Variants in CTNNA3 observed in about 807,000 individuals in gnomAD.
The protein encoded by CTNNA3 is catenin alpha 3.
In CTNNA3, 76 loss-of-function variants were observed where a neutral mutation model predicts 95.7. That is an observed-to-expected ratio of 0.79 (90% confidence interval 0.66 to 0.96). The LOEUF (loss-of-function observed/expected upper bound fraction) is 0.96, where lower values mean the gene tolerates loss of function less well. CTNNA3 is among the 40% of genes least tolerant of loss of function. The pLI, the probability that CTNNA3 is intolerant of heterozygous loss-of-function variation, is 0.00. For missense variants in CTNNA3, 1,191 were observed against 1,089.8 expected (o/e 1.09, Z -1.31); for synonymous variants, 431 against 374.4 (o/e 1.15, Z -1.74).
intron 7 of CTNNA3, among the ~76,000 whole-genome samples, chr10:67,086,711 G>A (rs1031662542): frequency 6.6e-6 from 1 of 151,918 alleles, no homozygotes; most frequent in Non-Finnish European, 1.5e-5. Flanking sequence ...ATCATATATA[G>A]AGCCTCTCTG....
At chr10:67,440,017 G>A (rs1476342667) in intron 5 of CTNNA3, among the ~76,000 whole-genome samples, 1 of 152,100 alleles carries the variant, frequency 6.6e-6, no homozygotes, top group Non-Finnish European at 1.5e-5. Context: ...GTGAGGTAGA[G>A]TATCAAGCTG....
At chr10:66,991,415 A>G (rs1440410007) in intron 7 of CTNNA3, among the ~76,000 whole-genome samples, 1 of 152,210 alleles carries the variant, frequency 6.6e-6, no homozygotes, top group Non-Finnish European at 1.5e-5. Context: ...TTATATCAAC[A>G]CTAAATCACA....
At chr10:66,794,715 G>A (rs1187397167) in intron 7 of CTNNA3, among the ~76,000 whole-genome samples, 1 of 152,082 alleles carries the variant, frequency 6.6e-6, no homozygotes, top group East Asian at 1.9e-4. Flanking sequence ...GTTCCCTGTA[G>A]ATATTTGAGA....
At chr10:67,225,222 C>T (rs1864847483) in intron 5 of CTNNA3, among the ~76,000 whole-genome samples, 2 of 152,170 alleles carry the variant, frequency 1.3e-5, no homozygotes, top group African/African-American at 2.4e-5. Flanking sequence ...CAGCAAGACC[C>T]ACCCAAGGAC....
At chr10:66,069,266 T>G in intron 15 of CTNNA3, 42 bp downstream of exon 15, 2 of 1,576,188 alleles carry the variant, frequency 1.3e-6, no homozygotes, top group Non-Finnish European at 1.7e-6. Flanking sequence ...ACTAATATTT[T>G]CAGCCATTAT....
intron 7 of CTNNA3, among the ~76,000 whole-genome samples, chr10:66,887,295 A>G (rs1268252991): frequency 1.3e-5 from 2 of 151,300 alleles, no homozygotes; most frequent in African/African-American, 4.9e-5. Context: ...CTGGTATCCA[A>G]AAGATGAATG....
At chr10:67,126,458 C>T (rs987536716) in intron 7 of CTNNA3, among the ~76,000 whole-genome samples, 7 of 152,266 alleles carry the variant, frequency 4.6e-5, no homozygotes, top group South Asian at 2.1e-4. Flanking sequence ...TCCCGGGAGG[C>T]GGAGCCAAGA....
intron 13 of CTNNA3, among the ~76,000 whole-genome samples, chr10:66,201,526 A>G (rs554318261): frequency 6.6e-6 from 1 of 152,260 alleles, no homozygotes; most frequent in South Asian, 2.1e-4. Flanking sequence ...CCAACAGCCA[A>G]AATCCCACTT....
At chr10:66,541,384 G>A (rs183483049) in intron 10 of CTNNA3, among the ~76,000 whole-genome samples, 3 of 152,162 alleles carry the variant, frequency 2.0e-5, no homozygotes, top group African/African-American at 7.2e-5. Context: ...TCGTGTATTA[G>A]AAACTCAACA....
chr10:65,964,807 G>A (rs1296739892), intron 17 of CTNNA3, among the ~76,000 whole-genome samples: 3 of 152,096 alleles, frequency 2.0e-5, no homozygotes, highest in African/African-American at 7.2e-5. Flanking sequence ...ATGAGAAAAT[G>A]AAGACTGGAT....
intron 1 of CTNNA3, among the ~76,000 whole-genome samples, chr10:67,734,131 C>T (rs1354570096): frequency 6.6e-6 from 1 of 152,108 alleles, no homozygotes; most frequent in Non-Finnish European, 1.5e-5. Context: ...AAATAGCCTT[C>T]CTCTTTTCTC....
chr10:66,178,080 T>G (rs962402910), intron 13 of CTNNA3, among the ~76,000 whole-genome samples: 2 of 151,720 alleles, frequency 1.3e-5, no homozygotes, highest in Non-Finnish European at 3.0e-5. Context: ...GATCCTACAA[T>G]TTTATTTTAT....
At chr10:67,575,461 A>G (rs1842112313) in intron 3 of CTNNA3, among the ~76,000 whole-genome samples, 1 of 152,112 alleles carries the variant, frequency 6.6e-6, no homozygotes, top group Non-Finnish European at 1.5e-5. Context: ...CTCCCCAGAT[A>G]ATTTCCTCAA....
At chr10:66,166,617 G>A (rs16922549) in intron 13 of CTNNA3, among the ~76,000 whole-genome samples, 2,024 of 152,064 alleles carry the variant, frequency 0.013, 67 homozygotes, top group East Asian at 0.08. Context: ...CAGTTCAGCT[G>A]TTTCCAAATC....
intron 10 of CTNNA3, among the ~76,000 whole-genome samples, chr10:66,534,888 A>G (rs1302781601): frequency 2.3e-5 from 3 of 132,388 alleles, no homozygotes; most frequent in Non-Finnish European, 4.5e-5. Context: ...CTGGAAATGG[A>G]AAAAAAAGCA....
intron 11 of CTNNA3, among the ~76,000 whole-genome samples, chr10:66,477,542 C>G (rs1323424987): frequency 6.6e-6 from 1 of 151,916 alleles, no homozygotes; most frequent in Non-Finnish European, 1.5e-5. Flanking sequence ...AAAATTCACT[C>G]AAACTCATGG....
chr10:67,437,857 A>G (rs1589289472), intron 5 of CTNNA3, among the ~76,000 whole-genome samples: 1 of 152,180 alleles, frequency 6.6e-6, no homozygotes, highest in East Asian at 1.9e-4. Flanking sequence ...GAAATAAAAG[A>G]TTTAAATTTG....
intron 12 of CTNNA3, among the ~76,000 whole-genome samples, chr10:66,351,765 TTAAG>T (rs1203261680): frequency 1.3e-5 from 2 of 152,016 alleles, no homozygotes; most frequent in African/African-American, 4.8e-5. Context: ...TATTTCCTAA[TTAAG>T]TGTGTGAAAT....
intron 9 of CTNNA3, among the ~76,000 whole-genome samples, chr10:66,741,364 A>C (rs902709406): frequency 6.6e-6 from 1 of 152,206 alleles, no homozygotes; most frequent in Non-Finnish European, 1.5e-5. Flanking sequence ...TAAAGACATT[A>C]CCAAAGTACT....
Sources: gnomAD v4.1 joint callset for allele counts (sites outside exome capture counted in the v4.1 genomes callset) on GRCh38, gnomAD v4.1.1 for gene constraint, MANE v1.5 for transcripts, NCBI Gene and HGNC (gene_info 2026-07-23, HGNC 2026-07-21) for gene names.